NTMT1: variants seen among roughly 807,000 people sequenced by gnomAD.
NTMT1 encodes N-terminal RCC1 methyltransferase.
Under a neutral mutation model 17.5 loss-of-function variants are expected in NTMT1, and 8 were observed. The ratio of observed to expected loss-of-function variants is 0.46; its 90% CI spans 0.27 to 0.82. The LOEUF is 0.82. Ranked by LOEUF, NTMT1 falls within the 40% of genes least tolerant of loss-of-function variation. The probability of loss-of-function intolerance (pLI) is 0.15; values close to 1 mark genes in which losing one functional copy is unlikely to be tolerated. For missense variants in NTMT1, 221 were observed against 303.5 expected (o/e 0.73, Z 2.02); for synonymous variants, 128 against 126.8 (o/e 1.01, Z -0.06).
chr9:129,613,129 T>G lies in NTMT1; in HGVS notation c.-55+3951T>G, dbSNP rs752581363. ...CACCTGCTCCAGGTTTCTGTGCGGGTCCAAGAAGGCTCGGAGGCTGCTTCG... is the reference window on the plus strand; with the variant it reads ...CACCTGCTCCAGGTTTCTGTGCGGGGCCAAGAAGGCTCGGAGGCTGCTTCG... On this transcript the variant is annotated intron_variant, in intron 1 of 3. Coordinates refer to the NTMT1 transcript ENST00000372486. This position sits in a 1 kb window ranked among gnomAD's most constrained non-coding sequence, Gnocchi z 6.2. 9.9e-6 allele frequency: 16 copies of G among 1,613,760 alleles called. No homozygotes were observed. The highest frequency in any genetic ancestry group is 1.4e-5 in the Non-Finnish European group (16 of 1,179,998).
intron 1 of NTMT1, among the ~76,000 whole-genome samples, chr9:129,629,837 C>A (rs1018864445): frequency 4.6e-5 from 7 of 152,236 alleles, no homozygotes; most frequent in African/African-American, 1.7e-4. Flanking sequence ...CAGTGGCGTG[C>A]GCCTGTAATC....
chr9:129,627,855 AC>A (rs1376875625), intron 1 of NTMT1, among the ~76,000 whole-genome samples: 1 of 152,212 alleles, frequency 6.6e-6, no homozygotes, highest in Non-Finnish European at 1.5e-5. Context: ...GTAGAGACTT[AC>A]GTGAGGAGGA....
chr9:129,622,722 C>G (rs941827334), upstream of NTMT1, among the ~76,000 whole-genome samples: 1 of 151,828 alleles, frequency 6.6e-6, no homozygotes, highest in Admixed American at 6.6e-5. Context: ...TCATTTGAGA[C>G]TCTGTCTCAC....
At chr9:129,632,365 G>T (rs979851276) in intron 1 of NTMT1, among the ~76,000 whole-genome samples, 7 of 152,198 alleles carry the variant, frequency 4.6e-5, no homozygotes, top group African/African-American at 1.7e-4. Flanking sequence ...GGTCTCTTGA[G>T]CTCGGGAGTT....
At chr9:129,615,663 G>A (rs970960384) in intron 1 of NTMT1, 2 of 1,524,796 alleles carry the variant, frequency 1.3e-6, no homozygotes, top group African/African-American at 1.4e-5. Context: ...AGAGGGGAGA[G>A]GGGCCTGTGC....
chr9:129,623,745 G>C (rs1370374775), upstream of NTMT1, among the ~76,000 whole-genome samples: 3 of 118,290 alleles, frequency 2.5e-5, no homozygotes, highest in Admixed American at 2.7e-4. Context: ...AGATATTTTT[G>C]TATTTATTTA....
chr9:129,629,769 G>A (rs951443269), intron 1 of NTMT1, among the ~76,000 whole-genome samples: 44 of 152,222 alleles, frequency 2.9e-4, no homozygotes, highest in Non-Finnish European at 1.0e-4. Context: ...TGCGTGAACA[G>A]TAAAGTGAGG....
In NTMT1 at chr9:129,613,125, C is replaced by T. The variant is rs770607053; in HGVS notation, c.-55+3947C>T. ...TGCCCACCTGCTCCAGGTTTCTGTGCGGGTCCAAGAAGGCTCGGAGGCTGC... is the reference window on the plus strand; with the variant it reads ...TGCCCACCTGCTCCAGGTTTCTGTGTGGGTCCAAGAAGGCTCGGAGGCTGC... On this transcript the variant is annotated intron_variant, in intron 1 of 3. Transcript: ENST00000372486. This position sits in a 1 kb window ranked among gnomAD's most constrained non-coding sequence, Gnocchi z 6.2. 21 of 1,613,740 alleles carry T rather than the reference C, an allele frequency of 1.3e-5. No individual in the cohort carries two copies. The highest frequency in any genetic ancestry group is 1.6e-4 in the Middle Eastern group (1 of 6,070).
At chr9:129,612,250 T>C in intron 1 of NTMT1, 1 of 1,032,560 alleles carries the variant, frequency 9.7e-7, no homozygotes, top group Non-Finnish European at 1.4e-6. Flanking sequence ...TACTGGCAGG[T>C]CCCAGCCACC....
In NTMT1 at chr9:129,636,132, C is replaced by T. The variant is rs1831539635; in HGVS notation, c.*668C>T. The T allele has an allele frequency of 6.6e-6, 1 of 152,232 alleles. No individual in the cohort carries two copies. The allele number at this position is 152,232 out of a possible 1,614,324, so 9.4% of individuals were successfully genotyped here. A position where few individuals can be genotyped will look rare whatever the true frequency, so the allele number is the denominator to read the frequency against. On this transcript the variant is annotated 3_prime_UTR_variant, in exon 4 of 4. Coordinates refer to ENST00000372483, the MANE Select transcript of NTMT1 (RefSeq NM_014064.4). ...GGGCGCGGTGGCTCACGCCTGTAATCCCAGCACTTTGGGAGGCCGAGGCGG... is the reference window on the plus strand; with the variant it reads ...GGGCGCGGTGGCTCACGCCTGTAATTCCAGCACTTTGGGAGGCCGAGGCGG...
chr9:129,610,707 C>T (rs1160744507), intron 1 of NTMT1, among the ~76,000 whole-genome samples: 1 of 152,054 alleles, frequency 6.6e-6, no homozygotes, highest in Non-Finnish European at 1.5e-5. Context: ...GCCAACACTG[C>T]CCCCGCGTGG....
At chr9:129,633,284 C>T (rs1831288484) in intron 2 of NTMT1, 1 of 339,362 alleles carries the variant, frequency 2.9e-6, no homozygotes, top group South Asian at 1.5e-4. Flanking sequence ...AGGCTGGGAC[C>T]CCCAGTCCTG....
Position 129,635,340 on chromosome 9 carries a change from T to A in NTMT1, c.548T>A (p.Val183Glu). Residue 183 changes from valine (V) to glutamate (E), a missense_variant, in exon 4 of 4, where the codon GTG becomes GAG. Transcript: ENST00000372483. ...ATTCTGGACGACGTGGACAGCAGCG[T>A]GTGCCGGGACCTTGACGTGGTCCGC... ...GVILDDVDSS[V>E]CRDLDVVRRI... is the part of the protein sequence containing the mutation. 6.2e-7 allele frequency: 1 copy of A among 1,613,848 alleles called. No homozygotes were observed. The highest frequency in any genetic ancestry group is 1.3e-5 in the African/African-American group (1 of 75,042).
upstream of NTMT1, among the ~76,000 whole-genome samples, chr9:129,623,288 G>C (rs570696084): frequency 1.2e-4 from 18 of 150,714 alleles, no homozygotes; most frequent in Non-Finnish European, 2.1e-4. Context: ...AGCGGAGATC[G>C]CGCCACTGCA....
chr9:129,617,427 C>G (rs1395727580), intron 1 of NTMT1, among the ~76,000 whole-genome samples: 2 of 152,206 alleles, frequency 1.3e-5, no homozygotes, highest in Non-Finnish European at 2.9e-5. Context: ...CATCTTCACT[C>G]GAGGGCCACT....
chr9:129,626,439 A>G (rs1830900583), intron 1 of NTMT1, 144 bp downstream of exon 1: 1 of 152,260 alleles, frequency 6.6e-6, no homozygotes, highest in Non-Finnish European at 1.5e-5. Flanking sequence ...CACAGGCCTC[A>G]CGTGCGCGTC....
chr9:129,635,540 C>A lies in NTMT1; in HGVS notation c.*76C>A. On this transcript the variant is annotated 3_prime_UTR_variant, in exon 4 of 4. Transcript: ENST00000372483. ...TGGCAGCTGGGCAAGATCCAGGCGC[C>A]ACGCTGGCGGTTCGTGAGTGTCGAG... 1 of 1,519,946 alleles carries A rather than the reference C, an allele frequency of 6.6e-7. No homozygotes were observed. Among genetic ancestry groups the A allele is most frequent in the African/African-American group, 1.4e-5 (1 of 72,906 alleles). 94.2% of individuals were successfully genotyped at this position (1,519,946 alleles called of 1,614,324 possible).
chr9:129,609,356 C>T (rs1032334840), intron 1 of NTMT1, among the ~76,000 whole-genome samples: 1 of 152,142 alleles, frequency 6.6e-6, no homozygotes, highest in African/African-American at 2.4e-5. Context: ...CCCCTCCCCC[C>T]AACTAGACCG....
Position 129,632,839 on chromosome 9 carries a change from CG to C in NTMT1, c.138del (p.Lys47SerfsTer7), listed in dbSNP as rs766618569. 1.2e-6 allele frequency: 2 copies of C among 1,614,008 alleles called. No homozygotes were observed. Among genetic ancestry groups the C allele is most frequent in the African/African-American group, 1.3e-5 (1 of 74,918 alleles). ...HISSIDINSS[R>X]KFLQRFLREG... The stretch of plus-strand genomic sequence containing the variant: ...CTCCAGCATCGACATCAACAGCTCC[CG>C]GAAGTTTCTGCAGAGGTTTTTGAGG... On this transcript the variant is annotated frameshift_variant, in exon 2 of 4. Coordinates refer to ENST00000372483, the MANE Select transcript of NTMT1 (RefSeq NM_014064.4). LOFTEE classifies it high-confidence loss of function.
Sources: allele counts gnomAD v4.1 joint callset (sites outside exome capture counted in the v4.1 genomes callset), GRCh38; gene constraint gnomAD v4.1.1; non-coding constraint Gnocchi (gnomAD v3.1); transcripts MANE v1.5; gene names NCBI Gene and HGNC (gene_info 2026-07-23, HGNC 2026-07-21).